CFAP47: variants seen among roughly 807,000 people sequenced by gnomAD.
The protein encoded by CFAP47 is cilia and flagella associated protein 47.
A neutral mutation model predicts 148.1 loss-of-function variants in CFAP47; 29 were observed. That is an observed-to-expected ratio of 0.20 (90% confidence interval 0.15 to 0.27). CFAP47 has a LOEUF of 0.27. Ranked by LOEUF, CFAP47 falls within the 10% of genes least tolerant of loss-of-function variation. CFAP47 has a pLI of 1.00. For synonymous variants in CFAP47, 664 were observed against 577.3 expected (o/e 1.15, Z -2.15); for missense variants, 1,872 against 1,697.5 (o/e 1.10, Z -1.81).
chrX:35,975,224 C>G lies in CFAP47; in HGVS notation c.2332C>G (p.Pro778Ala). 1 of 1,196,009 alleles carries G rather than the reference C, an allele frequency of 8.4e-7. No homozygotes were observed. Among genetic ancestry groups the G allele is most frequent in the South Asian group, 1.8e-5 (1 of 56,494 alleles). The change falls in exon 14 of 64, where the codon CCT (proline) becomes GCT (alanine). Residue 778 changes from proline to alanine, a missense_variant. Coordinates refer to ENST00000378653, the MANE Select transcript of CFAP47 (RefSeq NM_001304548.2). ...THLLHVINML[P>A]MHVLLQLDTD... ...TCTACTTCATGTTATTAATATGCTA[C>G]CTATGCATGTTTTGCTCCAGTTAGA...
At chrX:36,094,216 G>T (rs1938235153) in intron 30 of CFAP47, among the ~76,000 whole-genome samples, 2 of 110,390 alleles carry the variant, frequency 1.8e-5, no homozygotes, top group Non-Finnish European at 3.8e-5. Flanking sequence ...TCTGTATTCT[G>T]TTCCATTGGT....
At chrX:36,010,923 T>A (rs1041235142) in intron 21 of CFAP47, among the ~76,000 whole-genome samples, 2 of 111,542 alleles carry the variant, frequency 1.8e-5, no homozygotes, top group African/African-American at 6.5e-5. Context: ...ATGGCTGGGA[T>A]TTCTTCATAA....
In CFAP47 at chrX:35,971,640, T is replaced by G. The variant is rs1244608923; in HGVS notation, c.2025T>G (p.Gly675=). 8.3e-7 allele frequency: 1 copy of G among 1,204,710 alleles called. No homozygotes were observed. Among genetic ancestry groups the G allele is most frequent in the East Asian group, 3.0e-5 (1 of 33,420 alleles). ...ACATAGGCTTAGAGCCAGGATCAGG[T>G]CTAAAGTCACCCTCACTCTCAGAAG... ...DTDIGLEPGS[G]LKSPSLSEAE... is the part of the protein sequence containing the mutation. Residue 675 remains glycine, a synonymous_variant, in exon 12 of 64, where the codon GGT becomes GGG. Transcript: ENST00000378653.
At chrX:36,161,146 G>A (rs983673992) in intron 39 of CFAP47, among the ~76,000 whole-genome samples, 9 of 111,189 alleles carry the variant, frequency 8.1e-5, no homozygotes, top group East Asian at 5.7e-4. Context: ...GCGCCTGGCC[G>A]TAATTTTCTT....
chrX:36,268,294 A>T (rs1556001348), intron 49 of CFAP47, among the ~76,000 whole-genome samples: 1 of 113,361 alleles, frequency 8.8e-6, no homozygotes, highest in Non-Finnish European at 1.9e-5. Flanking sequence ...CGATAATAAG[A>T]GTACAATAAA....
At chrX:36,013,360 G>T (rs764907991) in intron 21 of CFAP47, among the ~76,000 whole-genome samples, 1 of 112,029 alleles carries the variant, frequency 8.9e-6, no homozygotes, top group South Asian at 3.7e-4. Flanking sequence ...TTCGGGTTTT[G>T]AATCCAGATG....
chrX:35,948,634 C>T (rs1419411711), intron 4 of CFAP47, among the ~76,000 whole-genome samples, 182 bp downstream of exon 4: 1 of 111,804 alleles, frequency 8.9e-6, no homozygotes, highest in Non-Finnish European at 1.9e-5. Flanking sequence ...TAGAGGATAG[C>T]ATATGGGTAC....
chrX:36,021,493 A>G (rs746530843), intron 22 of CFAP47, among the ~76,000 whole-genome samples: 214 of 109,530 alleles, frequency 2.0e-3, no homozygotes, highest in Non-Finnish European at 3.4e-3. Flanking sequence ...TATTTTTTTA[A>G]TTGTTTATTT....
intron 1 of CFAP47, among the ~76,000 whole-genome samples, chrX:35,924,011 A>C (rs1601875587): frequency 1.2e-5 from 1 of 82,989 alleles, no homozygotes; most frequent in Admixed American, 1.4e-4. Context: ...ATATGTGTAA[A>C]TATATATGCA....
intron 49 of CFAP47, among the ~76,000 whole-genome samples, chrX:36,260,906 T>C (rs1314344641): frequency 9.0e-6 from 1 of 111,385 alleles, no homozygotes; most frequent in Non-Finnish European, 1.9e-5. Context: ...GGAGTACAGT[T>C]TCAGTCTTCT....
At position 36,367,049 on chromosome X, in the gene CFAP47, C is replaced by T. The variant is rs143613641; in HGVS notation, c.9107C>T (p.Thr3036Met). 12 of 1,154,636 alleles carry T rather than the reference C, an allele frequency of 1.0e-5. No homozygotes were observed. The highest frequency in any genetic ancestry group is 1.3e-5 in the Non-Finnish European group (11 of 863,875). The change falls in exon 62 of 64, where the codon ACG becomes ATG. Residue 3036 changes from threonine to methionine, a missense_variant. By Grantham distance (81) the Thr-to-Met change is moderately conservative (BLOSUM62 -1). Coordinates refer to ENST00000378653, the MANE Select transcript of CFAP47 (RefSeq NM_001304548.2). ...PIMLIATEPD[T>M]DAVIDIEGVG... ...ATGTTGATCGCTACTGAACCTGATA[C>T]GGATGCTGTCATTGACATTGAAGGA...
intron 57 of CFAP47, among the ~76,000 whole-genome samples, chrX:36,337,856 CTTTTTTTT>C (rs1196038760): frequency 1.7e-5 from 1 of 58,342 alleles, no homozygotes; most frequent in Admixed American, 2.5e-4. Context: ...TTCCATAATC[CTTTTTTTT>C]TTTTTTTTTT....
intron 15 of CFAP47, among the ~76,000 whole-genome samples, chrX:35,982,770 A>G (rs1285037390): frequency 5.4e-5 from 6 of 110,598 alleles, no homozygotes; most frequent in African/African-American, 1.6e-4. Context: ...ATCATTGTAG[A>G]TGTGTGGCTT....
intron 40 of CFAP47, among the ~76,000 whole-genome samples, chrX:36,185,141 G>T (rs1555985417): frequency 9.0e-6 from 1 of 110,805 alleles, no homozygotes. Flanking sequence ...GTGAGTCCAA[G>T]ATAAAGGCAC....
chrX:36,205,197 C>CGT, intron 45 of CFAP47, 87 bp downstream of exon 45: 1 of 291,218 alleles, frequency 3.4e-6, no homozygotes, highest in Non-Finnish European at 6.0e-6. Flanking sequence ...AGAGATTACA[C>CGT]TTTTACTGAC....
intron 49 of CFAP47, among the ~76,000 whole-genome samples, chrX:36,262,964 T>A (rs1227399411): frequency 8.9e-6 from 1 of 112,226 alleles, no homozygotes; most frequent in Non-Finnish European, 1.9e-5. Context: ...TCTCTGATGA[T>A]CAATAATGTT....
chrX:36,034,612 C>A (rs766310383), intron 23 of CFAP47, among the ~76,000 whole-genome samples: 1 of 111,081 alleles, frequency 9.0e-6, no homozygotes, highest in South Asian at 3.7e-4. Flanking sequence ...TTTAATATTA[C>A]ATTTTTTATT....
chrX:36,063,151 G>A (rs1937608330), intron 26 of CFAP47, among the ~76,000 whole-genome samples: 1 of 111,474 alleles, frequency 9.0e-6, no homozygotes, highest in Admixed American at 9.6e-5. Flanking sequence ...ACATCAAAGG[G>A]CCTTTTCATC....
At chrX:36,338,720 A>C (rs1332065838) in intron 57 of CFAP47, among the ~76,000 whole-genome samples, 1 of 111,826 alleles carries the variant, frequency 8.9e-6, no homozygotes, top group African/African-American at 3.3e-5. Context: ...TTCACACATA[A>C]AATGTCAAGT....
Sources: allele counts gnomAD v4.1 joint callset (sites outside exome capture counted in the v4.1 genomes callset), GRCh38; gene constraint gnomAD v4.1.1; transcripts MANE v1.5; gene names NCBI Gene and HGNC (gene_info 2026-07-23, HGNC 2026-07-21).